Variants in PCSK5 observed in about 807,000 individuals in gnomAD.
PCSK5 encodes proprotein convertase subtilisin/kexin type 5.
In PCSK5, 129 loss-of-function variants were observed where a neutral mutation model predicts 233.2. The ratio of observed to expected loss-of-function variants is 0.55; its 90% CI spans 0.48 to 0.64. The LOEUF (loss-of-function observed/expected upper bound fraction) is 0.64, where lower values mean the gene tolerates loss of function less well. Among genes scored for constraint, PCSK5 ranks in the 30% least tolerant of loss-of-function variants. The pLI is 0.00. For synonymous variants in PCSK5, 825 were observed against 879.2 expected (o/e 0.94, Z 1.09); for missense variants, 2,076 against 2,430.1 (o/e 0.85, Z 3.06).
At chr9:76,278,316 A>G (rs1827753854) in intron 24 of PCSK5, among the ~76,000 whole-genome samples, 1 of 152,228 alleles carries the variant, frequency 6.6e-6, no homozygotes, top group East Asian at 1.9e-4. Flanking sequence ...GCCACACCCC[A>G]CGGAAGAACA....
chr9:76,352,889 A>AAG (rs1564197859), intron 36 of PCSK5, among the ~76,000 whole-genome samples: 1 of 26,458 alleles, frequency 3.8e-5, no homozygotes, highest in East Asian at 3.0e-3. Flanking sequence ...CAAAAAATAC[A>AAG]AAAAAAAAAA....
At chr9:76,229,365 G>C (rs905413125) in intron 21 of PCSK5, among the ~76,000 whole-genome samples, 7 of 152,086 alleles carry the variant, frequency 4.6e-5, no homozygotes, top group African/African-American at 1.4e-4. Flanking sequence ...AAACCACTGG[G>C]TTTAGCTCCT....
chr9:76,090,749 CA>C (rs1831252106), intron 7 of PCSK5, among the ~76,000 whole-genome samples: 1 of 152,120 alleles, frequency 6.6e-6, no homozygotes, highest in African/African-American at 2.4e-5. Flanking sequence ...AGGGATGATT[CA>C]AGCACATTAC....
chr9:76,280,354 C>T (rs1827826979), intron 24 of PCSK5, among the ~76,000 whole-genome samples: 1 of 152,082 alleles, frequency 6.6e-6, no homozygotes, highest in Non-Finnish European at 1.5e-5. Context: ...TTTACAGTGG[C>T]ATCTACATGC....
At chr9:76,075,739 G>C (rs1174308505) in intron 7 of PCSK5, among the ~76,000 whole-genome samples, 3 of 152,184 alleles carry the variant, frequency 2.0e-5, no homozygotes, top group Non-Finnish European at 2.9e-5. Flanking sequence ...AATTCCTTCA[G>C]TTAGCTGGCT....
intron 2 of PCSK5, among the ~76,000 whole-genome samples, chr9:75,984,727 C>T (rs1826429667): frequency 6.6e-6 from 1 of 152,164 alleles, no homozygotes; most frequent in African/African-American, 2.4e-5. Flanking sequence ...CCAATTCTTA[C>T]TCATCTTTGT....
At chr9:75,987,311 C>T (rs963843934) in intron 3 of PCSK5, among the ~76,000 whole-genome samples, 2 of 152,132 alleles carry the variant, frequency 1.3e-5, no homozygotes, top group Non-Finnish European at 2.9e-5. Flanking sequence ...TGTCATTTTC[C>T]CTCCTCTGGT....
At chr9:76,030,100 A>G (rs998607170) in intron 5 of PCSK5, among the ~76,000 whole-genome samples, 5 of 152,090 alleles carry the variant, frequency 3.3e-5, no homozygotes, top group African/African-American at 1.2e-4. Context: ...GAAATAGCTC[A>G]AAAGAAGTGT....
intron 2 of PCSK5, among the ~76,000 whole-genome samples, chr9:75,967,253 C>T (rs987065243): frequency 9.9e-5 from 15 of 152,144 alleles, no homozygotes; most frequent in Non-Finnish European, 1.3e-4. Context: ...TTACTTTTTC[C>T]GCCCTCTAGT....
chr9:75,993,753 C>G (rs1038118611), intron 3 of PCSK5, among the ~76,000 whole-genome samples: 1 of 152,348 alleles, frequency 6.6e-6, no homozygotes, highest in Non-Finnish European at 1.5e-5. Flanking sequence ...AAACCAGGAT[C>G]AAGCTTCCAA....
At chr9:75,932,552 T>G in intron 2 of PCSK5, 69 bp downstream of exon 2, 1 of 905,608 alleles carries the variant, frequency 1.1e-6, no homozygotes, top group Non-Finnish European at 1.9e-6. Flanking sequence ...AATAACACAC[T>G]AGGGGCTGAG....
intron 20 of PCSK5, among the ~76,000 whole-genome samples, chr9:76,222,554 T>G (rs1825761698): frequency 6.6e-6 from 1 of 152,186 alleles, no homozygotes; most frequent in Non-Finnish European, 1.5e-5. Flanking sequence ...TCTCTATCAC[T>G]TTTACTACTC....
intron 2 of PCSK5, among the ~76,000 whole-genome samples, chr9:75,950,718 C>G (rs1040433462): frequency 6.6e-6 from 1 of 152,118 alleles, no homozygotes; most frequent in Non-Finnish European, 1.5e-5. Context: ...ACAACAGGTA[C>G]CAGCCACTGC....
chr9:76,085,342 C>T (rs1831022283), intron 7 of PCSK5, among the ~76,000 whole-genome samples: 1 of 152,146 alleles, frequency 6.6e-6, no homozygotes, highest in Non-Finnish European at 1.5e-5. Flanking sequence ...GTATAGAGTC[C>T]CTCTCTTGCT....
At chr9:75,912,403 G>A (rs573053546) in intron 1 of PCSK5, among the ~76,000 whole-genome samples, 6 of 152,298 alleles carry the variant, frequency 3.9e-5, no homozygotes, top group East Asian at 3.9e-4. Flanking sequence ...GGAGTGGGTC[G>A]GAGAGATGGG....
intron 8 of PCSK5, among the ~76,000 whole-genome samples, chr9:76,099,639 G>A (rs545059006): frequency 6.6e-5 from 10 of 152,236 alleles, no homozygotes; most frequent in South Asian, 2.1e-4. Context: ...TTTATGGTCC[G>A]GCTGACCCCT....
intron 24 of PCSK5, among the ~76,000 whole-genome samples, chr9:76,246,977 A>G (rs1332441936): frequency 6.6e-6 from 1 of 152,218 alleles, no homozygotes; most frequent in Non-Finnish European, 1.5e-5. Flanking sequence ...ATTCCAAGGA[A>G]CGGAATCTTG....
Position 76,143,130 on chromosome 9 carries a change from T to G in PCSK5, c.1312+8918T>G, listed in dbSNP as rs12336206. Among the ~76,000 whole-genome samples, 602 of 152,262 alleles carry G rather than the reference T, an allele frequency of 4.0e-3. 6 individuals carry two copies. Among genetic ancestry groups the G allele is most frequent in the African/African-American group, 0.014 (580 of 41,544 alleles). Reference sequence around the variant, plus strand: ...TTACCAAAAGTTGGGGAACCAAGCTTATCTGGAATACCGTAGTTTCTTTTA... The same window carrying G: ...TTACCAAAAGTTGGGGAACCAAGCTGATCTGGAATACCGTAGTTTCTTTTA... On this transcript the variant is annotated intron_variant, in intron 10 of 37. Transcript: ENST00000674117.
At chr9:76,054,448 A>T (rs1829749505) in intron 5 of PCSK5, among the ~76,000 whole-genome samples, 1 of 152,232 alleles carries the variant, frequency 6.6e-6, no homozygotes, top group African/African-American at 2.4e-5. Context: ...GGGGCAGATA[A>T]AAGGAGAGAA....
Sources: allele counts gnomAD v4.1 joint callset (sites outside exome capture counted in the v4.1 genomes callset), GRCh38; gene constraint gnomAD v4.1.1; transcripts MANE v1.5; gene names NCBI Gene and HGNC (gene_info 2026-07-23, HGNC 2026-07-21).